The following LUZP2 variants were observed in gnomAD, a reference collection of about 807,000 sequenced individuals.
The protein encoded by LUZP2 is leucine zipper protein 2.
A neutral mutation model predicts 51.6 loss-of-function variants in LUZP2; 52 were observed. That is an observed-to-expected ratio of 1.01 (90% CI 0.81 to 1.27). The LOEUF is 1.27. LUZP2 is among the 50% of genes most tolerant of loss of function. LUZP2 has a pLI of 0.00. For missense variants in LUZP2, 436 were observed against 395.4 expected, an observed-to-expected ratio of 1.10 and a Z score of -0.87; for synonymous variants, 154 against 137.3, an observed-to-expected ratio of 1.12 and a Z score of -0.85.
chr11:24,694,921 G>C (rs987234973), intron 1 of LUZP2, among the ~76,000 whole-genome samples: 1 of 151,560 alleles, frequency 6.6e-6, no homozygotes, highest in South Asian at 2.1e-4. Context: ...GGCCTATCAG[G>C]GGGGCTGTGT....
intron 1 of LUZP2, among the ~76,000 whole-genome samples, chr11:24,566,623 TACACAC>T (rs753647707): frequency 6.2e-5 from 9 of 145,270 alleles, no homozygotes; most frequent in Admixed American, 2.8e-4. Context: ...TGTATAGATA[TACACAC>T]ACACACACAC....
At chr11:25,007,119 T>C (rs1291358592) in intron 9 of LUZP2, among the ~76,000 whole-genome samples, 2 of 152,152 alleles carry the variant, frequency 1.3e-5, no homozygotes, top group Non-Finnish European at 1.5e-5. Context: ...ATTGGTGCAT[T>C]TACAAACCTT....
chr11:24,769,769 G>A (rs1316077464), intron 5 of LUZP2, among the ~76,000 whole-genome samples: 5 of 150,858 alleles, frequency 3.3e-5, no homozygotes, highest in African/African-American at 1.2e-4. Context: ...ATGAAATAGG[G>A]AATCACACTA....
intron 1 of LUZP2, among the ~76,000 whole-genome samples, chr11:24,663,933 G>A (rs559236148): frequency 2.6e-5 from 4 of 152,246 alleles, no homozygotes; most frequent in Admixed American, 2.6e-4. Context: ...CAGCCATGTG[G>A]AACTGTGAGG....
chr11:24,581,004 A>G (rs10834399), intron 1 of LUZP2, among the ~76,000 whole-genome samples: 28,016 of 151,946 alleles, frequency 0.18, 2,962 homozygotes, highest in African/African-American at 0.28. Flanking sequence ...GCATTTGTTG[A>G]ACAATCTCAT....
intron 4 of LUZP2, among the ~76,000 whole-genome samples, chr11:24,753,436 T>G (rs1859664658): frequency 6.6e-6 from 1 of 152,108 alleles, no homozygotes; most frequent in South Asian, 2.1e-4. Flanking sequence ...AGGGCAAGAT[T>G]CTCTTTAGAA....
chr11:24,866,229 T>C (rs1851893025), intron 5 of LUZP2, among the ~76,000 whole-genome samples: 1 of 152,164 alleles, frequency 6.6e-6, no homozygotes, highest in Non-Finnish European at 1.5e-5. Flanking sequence ...AGTCCACTTA[T>C]CTCCACTAAT....
intron 5 of LUZP2, among the ~76,000 whole-genome samples, chr11:24,900,916 C>G (rs1565080557): frequency 6.6e-6 from 1 of 152,166 alleles, no homozygotes; most frequent in East Asian, 1.9e-4. Flanking sequence ...CCTTTAACAG[C>G]TTTGAAGCCT....
intron 4 of LUZP2, among the ~76,000 whole-genome samples, chr11:24,742,403 G>A (rs1406063346): frequency 1.3e-5 from 2 of 151,998 alleles, no homozygotes; most frequent in Admixed American, 1.3e-4. Flanking sequence ...TCTTGCAGGA[G>A]TAAGGTGGTA....
chr11:25,022,222 C>T (rs1402291263), intron 9 of LUZP2, among the ~76,000 whole-genome samples: 1 of 151,922 alleles, frequency 6.6e-6, no homozygotes, highest in Non-Finnish European at 1.5e-5. Flanking sequence ...AATTTTCTTT[C>T]ATTATAATTA....
At chr11:24,598,151 C>T (rs1343054699) in intron 1 of LUZP2, among the ~76,000 whole-genome samples, 1 of 151,166 alleles carries the variant, frequency 6.6e-6, no homozygotes, top group Non-Finnish European at 1.5e-5. Context: ...GCTTTGTGCC[C>T]TGTAGATAAC....
intron 9 of LUZP2, among the ~76,000 whole-genome samples, chr11:25,028,691 T>G (rs982516848): frequency 3.9e-5 from 4 of 103,412 alleles, no homozygotes; most frequent in East Asian, 2.3e-4. Flanking sequence ...AATTTGCATG[T>G]TTTTTTTTTT....
At chr11:24,789,610 C>T (rs1000012608) in intron 5 of LUZP2, among the ~76,000 whole-genome samples, 3 of 152,110 alleles carry the variant, frequency 2.0e-5, no homozygotes, top group African/African-American at 7.2e-5. Context: ...ATTCAGGCTG[C>T]CATAACAAAA....
intron 5 of LUZP2, among the ~76,000 whole-genome samples, chr11:24,880,564 A>T (rs1852428285): frequency 6.6e-6 from 1 of 152,112 alleles, no homozygotes; most frequent in Non-Finnish European, 1.5e-5. Context: ...TACTGAGGTG[A>T]TACTCATGCT....
intron 1 of LUZP2, among the ~76,000 whole-genome samples, chr11:24,593,069 TTGTC>T (rs143684333): frequency 0.031 from 4,673 of 152,218 alleles, 231 homozygotes; most frequent in African/African-American, 0.11. Flanking sequence ...TTTACATTCT[TTGTC>T]TGTTCTCAAT....
intron 1 of LUZP2, among the ~76,000 whole-genome samples, chr11:24,644,451 A>C (rs572301826): frequency 6.6e-6 from 1 of 151,760 alleles, no homozygotes; most frequent in African/African-American, 2.4e-5. Context: ...TGCTGCATCA[A>C]GTAGAATGAT....
chr11:24,998,399 A>G (rs1217542950), intron 9 of LUZP2, among the ~76,000 whole-genome samples: 3 of 152,112 alleles, frequency 2.0e-5, no homozygotes, highest in Non-Finnish European at 2.9e-5. Flanking sequence ...ATGGGAGTTC[A>G]CTCATGATTT....
chr11:24,745,281 C>T (rs1161350365), intron 4 of LUZP2, among the ~76,000 whole-genome samples: 1 of 151,952 alleles, frequency 6.6e-6, no homozygotes, highest in Non-Finnish European at 1.5e-5. Flanking sequence ...TCTGTCTTGA[C>T]CTTTCTAGTA....
chr11:24,986,564 T>A (rs1856194951), intron 9 of LUZP2, among the ~76,000 whole-genome samples: 2 of 151,200 alleles, frequency 1.3e-5, no homozygotes, highest in African/African-American at 4.9e-5. Flanking sequence ...TGTGTGTGTG[T>A]GTGTAACATT....
Sources: gnomAD v4.1 joint callset for allele counts (sites outside exome capture counted in the v4.1 genomes callset) on GRCh38, gnomAD v4.1.1 for gene constraint, MANE v1.5 for transcripts, NCBI Gene and HGNC (gene_info 2026-07-23, HGNC 2026-07-21) for gene names.